Variants in MYH13 observed in about 807,000 individuals in gnomAD.
MYH13 encodes myosin heavy chain 13.
Under a neutral mutation model 232.1 loss-of-function variants are expected in MYH13, and 177 were observed. That is an observed-to-expected ratio of 0.76 (90% CI 0.67 to 0.86). The LOEUF (loss-of-function observed/expected upper bound fraction) is 0.86, where lower values mean the gene tolerates loss of function less well. Among genes scored for constraint, MYH13 ranks in the 40% least tolerant of loss-of-function variants. The probability of loss-of-function intolerance (pLI) is 0.00; values close to 1 mark genes in which losing one functional copy is unlikely to be tolerated. For synonymous variants in MYH13, 884 were observed against 923.5 expected, an observed-to-expected ratio of 0.96 and a Z score of 0.78; for missense variants, 2,246 against 2,405.9, an observed-to-expected ratio of 0.93 and a Z score of 1.39.
rs35222064 is a variant in MYH13 at position 10,350,591 on chromosome 17, T to C, written c.1109A>G (p.Gln370Arg). 83 of 1,613,554 alleles carry C rather than the reference T, an allele frequency of 5.1e-5. No individual in the cohort carries two copies. In the African/African-American group the frequency reaches 9.9e-4, roughly 19 times the overall value. Residue 370 changes from glutamine to arginine, a missense_variant, in exon 12 of 41, where the codon CAG becomes CGG. Transcript: ENST00000252172. ...GTCTGGCTCCGCCTGCTCCTCACGC[T>C]GCTTCTGCTTGAACTTCATGTTCCC... Reference protein sequence around the residue: ...HYGNMKFKQKQREEQAEPDGT... With the variant: ...HYGNMKFKQKRREEQAEPDGT...
chr17:10,366,321 A>C (rs1216570782), intron 2 of MYH13, among the ~76,000 whole-genome samples: 1 of 151,094 alleles, frequency 6.6e-6, no homozygotes, highest in African/African-American at 2.4e-5. Flanking sequence ...GAGTCAAGTC[A>C]TACACACACA....
Position 10,357,900 on chromosome 17 carries a change from G to C in MYH13, c.646-73C>G, listed in dbSNP as rs2071761260. ...AAAGTAGCCCCTTGATGACTAAAAC[G>C]GTGGGTACTCTGGGCAGGTTCAGGT... On this transcript the variant is annotated intron_variant, in intron 7 of 40. Coordinates refer to ENST00000252172, the MANE Select transcript of MYH13 (RefSeq NM_003802.3). The C allele has an allele frequency of 2.2e-6, 3 of 1,369,224 alleles. No individual in the cohort carries two copies. The Admixed American group carries it at 5.3e-5, about 24-fold the overall frequency. The allele number at this position is 1,369,224 out of a possible 1,614,324, so 84.8% of individuals were successfully genotyped here. A position where few individuals can be genotyped will look rare whatever the true frequency, so the allele number is the denominator to read the frequency against.
At chr17:10,348,787 A>G (rs1342255453) in intron 12 of MYH13, among the ~76,000 whole-genome samples, 1 of 152,086 alleles carries the variant, frequency 6.6e-6, no homozygotes, top group East Asian at 1.9e-4. Flanking sequence ...CTACTTGGAC[A>G]GCGGCTTCCG....
In MYH13 at chr17:10,337,776, C is replaced by T. The variant is rs145409321; in HGVS notation, c.2056+2374G>A. ...TACCTTCCCAAAGAAAATGTAGGGC[C>T]GGGCGCGGTGGCTCACGCCTGTAAT... is the stretch of plus-strand genomic sequence containing the variant. On this transcript the variant is annotated intron_variant, in intron 18 of 40. Transcript: ENST00000252172. Among the ~76,000 whole-genome samples, 523 of 152,260 alleles carry T rather than the reference C, an allele frequency of 3.4e-3. 4 individuals are homozygous for T. Among genetic ancestry groups the T allele is most frequent in the Middle Eastern group, 6.8e-3 (2 of 294 alleles).
rs753163138 is a variant in MYH13 at position 10,362,254 on chromosome 17, A to C, written c.369T>G (p.Cys123Trp). ...WMIYTYSGLFCVTVNPYKWLP... is the reference protein window; with the variant it reads ...WMIYTYSGLFWVTVNPYKWLP... ...GCCACTTGTAGGGGTTGACGGTGAC[A>C]CAGAAGAGGCCTGAGTAGGTCTGGG... Residue 123 changes from cysteine (C) to tryptophan (W), a missense_variant, in exon 5 of 41, where the codon TGT becomes TGG. Physicochemically the swap from Cys to Trp is radical, Grantham distance 215. Transcript: ENST00000252172. 1.2e-6 allele frequency: 2 copies of C among 1,613,740 alleles called. No individual in the cohort carries two copies. Among genetic ancestry groups the C allele is most frequent in the East Asian group, 4.5e-5 (2 of 44,876 alleles).
chr17:10,330,609 CT>C (rs1907379541), intron 20 of MYH13, 86 bp from the exon 21 acceptor site: 2 of 1,509,220 alleles, frequency 1.3e-6, no homozygotes, highest in African/African-American at 2.8e-5. Context: ...CTGCTCAACT[CT>C]GAGGCTCAAC....
chr17:10,332,597 C>G (rs9944505), intron 19 of MYH13, among the ~76,000 whole-genome samples: 2,115 of 152,258 alleles, frequency 0.014, 49 homozygotes, highest in African/African-American at 0.048. Flanking sequence ...TGGACAAGGC[C>G]CGGACTTGTG....
At chr17:10,344,398 T>C (rs1165967267) in intron 15 of MYH13, among the ~76,000 whole-genome samples, 2 of 152,214 alleles carry the variant, frequency 1.3e-5, no homozygotes, top group African/African-American at 4.8e-5. Flanking sequence ...AAGTTTCATA[T>C]ATAGCCATAA....
At chr17:10,307,102 T>C (rs1906320605) in intron 35 of MYH13, 38 bp from the exon 36 acceptor site, 2 of 1,597,238 alleles carry the variant, frequency 1.3e-6, no homozygotes, top group African/African-American at 1.4e-5. Context: ...GTGGGTTCTA[T>C]TGGGGCGCTT....
chr17:10,333,984 C>T (rs1181497125), intron 18 of MYH13, among the ~76,000 whole-genome samples: 1 of 151,600 alleles, frequency 6.6e-6, no homozygotes, highest in African/African-American at 2.4e-5. Context: ...ATCTGCTGAC[C>T]ACTCAGCCCC....
chr17:10,301,268 A>G lies in MYH13; in HGVS notation c.5802+301T>C, dbSNP rs1198544287. Among the ~76,000 whole-genome samples, 3 of 152,168 alleles carry G rather than the reference A, an allele frequency of 2.0e-5. No individual in the cohort carries two copies. The East Asian group carries it at 5.8e-4, about 29-fold the overall frequency. On this transcript the variant is annotated intron_variant, in intron 40 of 40. Transcript: ENST00000252172. ...GAACCACAGGAGTCTTTGCTCAAAC[A>G]GTAGCATTTGGGAGTGTGCAACCAG...
chr17:10,365,446 G>C lies in MYH13; in HGVS notation c.-12-904C>G, dbSNP rs367613983. Among the ~76,000 whole-genome samples the C allele has an allele frequency of 3.9e-4, 59 of 152,266 alleles. No individual in the cohort carries two copies. In the East Asian group the frequency reaches 0.011, roughly 27 times the overall value. The stretch of plus-strand genomic sequence containing the variant: ...GAGGGGTTGTTAAAGCACAGATTAC[G>C]GGCCCTATCCCCATGGTTTCTGATT... On this transcript the variant is annotated intron_variant, in intron 2 of 40. Coordinates refer to ENST00000252172, the MANE Select transcript of MYH13 (RefSeq NM_003802.3).
At position 10,312,639 on chromosome 17, in the gene MYH13, G is replaced by T. The variant is rs182969012; in HGVS notation, c.4300C>A (p.Arg1434=). The T allele has an allele frequency of 1.8e-5, 29 of 1,613,094 alleles. No individual in the cohort carries two copies. The highest frequency in any genetic ancestry group is 2.4e-5 in the Non-Finnish European group (28 of 1,179,650). Residue 1434 remains arginine (R), a synonymous_variant, in exon 31 of 41, where the codon CGG becomes AGG. Coordinates refer to ENST00000252172, the MANE Select transcript of MYH13 (RefSeq NM_003802.3). The stretch of plus-strand genomic sequence containing the variant: ...GCGGTGTGGGAGCGCTCCAGATCCC[G>T]CATCAGATCCTCCACCTCTCCCTGC... ...RLQGEVEDLM[R]DLERSHTACA...
Position 10,312,077 on chromosome 17 carries a change from CTGGGAGATGACAAAGGGACA to C in MYH13, c.4366-21_4366-2del. On this transcript the variant is annotated splice_acceptor_variant and splice_polypyrimidine_tract_variant and intron_variant, in intron 31 of 40. Coordinates refer to ENST00000252172, the MANE Select transcript of MYH13 (RefSeq NM_003802.3). LOFTEE classifies it high-confidence loss of function. Reference sequence around the variant, plus strand: ...GCTTTTGCTTCCACTCTGCAAGGACCTGGGAGATGACAAAGGGACATGGGAGAAGCAGAAAGCAGGGGTGA... The same window carrying C: ...GCTTTTGCTTCCACTCTGCAAGGACCTGGGAGAAGCAGAAAGCAGGGGTGA... 1 of 1,613,482 alleles carries C rather than the reference CTGGGAGATGACAAAGGGACA, an allele frequency of 6.2e-7. No homozygotes were observed. Among genetic ancestry groups the C allele is most frequent in the Non-Finnish European group, 8.5e-7 (1 of 1,179,872 alleles).
intron 19 of MYH13, 61 bp from the exon 20 acceptor site, chr17:10,332,283 C>T (rs1907435441): frequency 6.3e-7 from 1 of 1,597,156 alleles, no homozygotes; most frequent in African/African-American, 1.3e-5. Flanking sequence ...ATAGCTGAGA[C>T]CAGCCTTCTA....
intron 2 of MYH13, 100 bp from the exon 3 acceptor site, chr17:10,364,642 G>A (rs1412469362): frequency 9.5e-7 from 1 of 1,047,848 alleles, no homozygotes; most frequent in Admixed American, 2.2e-5. Context: ...AGATTCAAAG[G>A]CTCCTAGATT....
At position 10,332,235 on chromosome 17, in the gene MYH13, G is replaced by A. The variant is rs1907433084; in HGVS notation, c.2175-13C>T. 1 of 1,612,056 alleles carries A rather than the reference G, an allele frequency of 6.2e-7. No individual in the cohort carries two copies. The highest frequency in any genetic ancestry group is 1.1e-5 in the South Asian group (1 of 91,042). On this transcript the variant is annotated splice_polypyrimidine_tract_variant and intron_variant, in intron 19 of 40. Transcript: ENST00000252172. ...GAGGATCCGGTACCTAAGGAGAGAG[G>A]ACATTTCCCAAATGGATTCCAATCC...
At position 10,304,804 on chromosome 17, in the gene MYH13, T is replaced by C. The variant is rs1013954435; in HGVS notation, c.5467-1306A>G. Among the ~76,000 whole-genome samples, 3 of 152,254 alleles carry C rather than the reference T, an allele frequency of 2.0e-5. No individual in the cohort carries two copies. The highest frequency in any genetic ancestry group is 2.0e-4 in the Admixed American group (3 of 15,288). ...TACACAGGTGTTGTTAATTTCATAG[T>C]TGCTTCTGCCTTTCTTGAAGTCTTG... On this transcript the variant is annotated intron_variant, in intron 37 of 40. Transcript: ENST00000252172. The surrounding 1 kb of genome is among the most constrained non-coding windows in gnomAD (Gnocchi z 5.3).
chr17:10,331,729 G>A (rs1907413024), intron 20 of MYH13, among the ~76,000 whole-genome samples: 1 of 152,070 alleles, frequency 6.6e-6, no homozygotes, highest in Non-Finnish European at 1.5e-5. Flanking sequence ...ATGAACCACT[G>A]CGCCCCGCTT....
Sources: gnomAD v4.1 joint callset for allele counts (sites outside exome capture counted in the v4.1 genomes callset) on GRCh38, gnomAD v4.1.1 for gene constraint, Gnocchi (gnomAD v3.1) non-coding constraint, MANE v1.5 for transcripts, NCBI Gene and HGNC (gene_info 2026-07-23, HGNC 2026-07-21) for gene names.